The following DCLK1 variants were observed in gnomAD, a reference collection of about 807,000 sequenced individuals.
DCLK1 encodes doublecortin like kinase 1.
Under a neutral mutation model 86.2 loss-of-function variants are expected in DCLK1, and 16 were observed. The observed-to-expected ratio is 0.19, with a 90% CI of 0.13 to 0.28. The LOEUF is 0.28. Ranked by LOEUF, DCLK1 falls within the 10% of genes least tolerant of loss-of-function variation. The pLI is 1.00. For synonymous variants in DCLK1, 369 were observed against 370.5 expected (o/e 1.00, Z 0.05); for missense variants, 590 against 940.2 (o/e 0.63, Z 4.87).
At chr13:36,078,945 A>T (rs1566672412) in intron 3 of DCLK1, among the ~76,000 whole-genome samples, 1 of 152,148 alleles carries the variant, frequency 6.6e-6, no homozygotes, top group Non-Finnish European at 1.5e-5. Flanking sequence ...GAGAAGAGAA[A>T]ACCGAGGGGG....
intron 6 of DCLK1, chr13:35,848,035 T>C (rs1870338586): frequency 1.0e-6 from 1 of 985,322 alleles, no homozygotes; most frequent in Non-Finnish European, 1.2e-6. Context: ...ATATTCCTAA[T>C]ATCTTTTTCT....
intron 3 of DCLK1, among the ~76,000 whole-genome samples, chr13:35,971,159 A>G (rs1054401899): frequency 1.3e-5 from 2 of 152,224 alleles, no homozygotes; most frequent in African/African-American, 4.8e-5. Context: ...CCACTCTTCC[A>G]CAAGTGACTG....
intron 16 of DCLK1, among the ~76,000 whole-genome samples, chr13:35,789,071 G>A (rs1251655160): frequency 6.6e-6 from 1 of 152,178 alleles, no homozygotes; most frequent in Non-Finnish European, 1.5e-5. Context: ...CCTGGAATAA[G>A]ATGTTAGCTT....
intron 11 of DCLK1, 152 bp from the exon 12 acceptor site, chr13:35,811,120 GCTTA>G (rs1177317744): frequency 2.2e-6 from 2 of 893,302 alleles, no homozygotes; most frequent in Non-Finnish European, 3.4e-6. Flanking sequence ...ATACAAAATA[GCTTA>G]CTTCCTTTAG....
intron 4 of DCLK1, among the ~76,000 whole-genome samples, chr13:35,946,060 C>A (rs894243622): frequency 4.6e-5 from 7 of 152,144 alleles, no homozygotes; most frequent in Admixed American, 1.3e-4. Flanking sequence ...TCGCCCAGAC[C>A]AAGTACAGTG....
chr13:36,015,038 G>GC (rs370677894), intron 3 of DCLK1, among the ~76,000 whole-genome samples: 204 of 127,678 alleles, frequency 1.6e-3, no homozygotes, highest in African/African-American at 4.6e-3. Context: ...CTCCCTATCC[G>GC]CCCCCCCACA....
At chr13:35,868,710 GCAATAA>G (rs777486152) in intron 5 of DCLK1, among the ~76,000 whole-genome samples, 13 of 152,092 alleles carry the variant, frequency 8.5e-5, no homozygotes, top group Non-Finnish European at 1.6e-4. Context: ...AATTTTAGGG[GCAATAA>G]GCTGGCTAGG....
At chr13:35,855,906 T>C (rs1223575046) in intron 5 of DCLK1, 2 of 1,026,136 alleles carry the variant, frequency 1.9e-6, no homozygotes, top group Non-Finnish European at 2.4e-6. Context: ...AAAATCGAAA[T>C]GACAATAACT....
intron 3 of DCLK1, among the ~76,000 whole-genome samples, chr13:36,025,667 T>C (rs1566650670): frequency 6.6e-6 from 1 of 152,158 alleles, no homozygotes; most frequent in Non-Finnish European, 1.5e-5. Context: ...GGCCCATTTA[T>C]AGGCAATGTC....
At chr13:35,802,192 TGTG>T (rs1225231158) in intron 15 of DCLK1, among the ~76,000 whole-genome samples, 4 of 152,174 alleles carry the variant, frequency 2.6e-5, no homozygotes, top group African/African-American at 9.6e-5. Context: ...ATTGCTCAGT[TGTG>T]GTGGTGCACA....
chr13:35,918,059 G>A (rs1041151953), intron 4 of DCLK1, among the ~76,000 whole-genome samples: 1 of 152,058 alleles, frequency 6.6e-6, no homozygotes, highest in African/African-American at 2.4e-5. Context: ...CAGTCAAATG[G>A]CAATGCTTAT....
intron 3 of DCLK1, among the ~76,000 whole-genome samples, chr13:36,030,734 G>A (rs1882236729): frequency 6.6e-6 from 1 of 152,044 alleles, no homozygotes; most frequent in Non-Finnish European, 1.5e-5. Flanking sequence ...TTTTTCAACA[G>A]AGAAAAGTTA....
At chr13:36,106,193 G>A (rs1460958563) in intron 3 of DCLK1, among the ~76,000 whole-genome samples, 1 of 150,102 alleles carries the variant, frequency 6.7e-6, no homozygotes, top group Non-Finnish European at 1.5e-5. Context: ...ATCCTCAGAG[G>A]AGCTCAAAGT....
At chr13:35,928,653 T>C (rs1041027689) in intron 4 of DCLK1, among the ~76,000 whole-genome samples, 1 of 152,218 alleles carries the variant, frequency 6.6e-6, no homozygotes, top group Non-Finnish European at 1.5e-5. Flanking sequence ...CAAGAATTTT[T>C]CTCTCTTTAG....
chr13:35,826,409 G>GCC (rs1177842553), intron 10 of DCLK1, among the ~76,000 whole-genome samples: 1 of 151,188 alleles, frequency 6.6e-6, no homozygotes, highest in Non-Finnish European at 1.5e-5. Flanking sequence ...TGTAATCCCA[G>GCC]CTACTAGGGA....
intron 4 of DCLK1, among the ~76,000 whole-genome samples, chr13:35,921,729 A>G (rs541424704): frequency 1.3e-5 from 2 of 152,324 alleles, no homozygotes; most frequent in South Asian, 2.1e-4. Flanking sequence ...AGAGCGCTAA[A>G]GAATCTCCCA....
In DCLK1 at chr13:35,942,733, A is replaced by C. The variant is rs994635241; in HGVS notation, c.823+4625T>G. Reference sequence around the variant, plus strand: ...TACTATATATTTTCATCTTAGTCCAAGGGACTTCAAGAGGGGCTCTGTCAA... The same window carrying C: ...TACTATATATTTTCATCTTAGTCCACGGGACTTCAAGAGGGGCTCTGTCAA... On this transcript the variant is annotated intron_variant, in intron 4 of 16. Transcript: ENST00000360631. Among the ~76,000 whole-genome samples the C allele has an allele frequency of 3.3e-5, 5 of 152,312 alleles. No homozygotes were observed. In the East Asian group the frequency reaches 9.7e-4, roughly 29 times the overall value.
At chr13:35,984,513 A>G (rs180917350) in intron 3 of DCLK1, among the ~76,000 whole-genome samples, 51 of 152,304 alleles carry the variant, frequency 3.3e-4, no homozygotes, top group African/African-American at 1.0e-3. Context: ...TGGAGGCAGC[A>G]AACTATCAAC....
At chr13:35,817,422 G>A (rs1021097133) in intron 11 of DCLK1, among the ~76,000 whole-genome samples, 6 of 151,932 alleles carry the variant, frequency 3.9e-5, no homozygotes, top group South Asian at 2.1e-4. Flanking sequence ...GTTTCTGCCC[G>A]GACACTCACA....
Sources: allele counts gnomAD v4.1 joint callset (sites outside exome capture counted in the v4.1 genomes callset), GRCh38; gene constraint gnomAD v4.1.1; transcripts MANE v1.5; gene names NCBI Gene and HGNC (gene_info 2026-07-23, HGNC 2026-07-21).